The following EHD2 variants were observed in gnomAD, a reference collection of about 807,000 sequenced individuals.
The protein encoded by EHD2 is EH domain containing 2.
In EHD2, 27 loss-of-function variants were observed where a neutral mutation model predicts 41.0. That is an observed-to-expected ratio of 0.66 (90% CI 0.49 to 0.91). EHD2 has a LOEUF of 0.91. Among genes scored for constraint, EHD2 ranks in the 40% least tolerant of loss-of-function variants. The pLI is 0.00. For missense variants in EHD2, 673 were observed against 773.9 expected, an observed-to-expected ratio of 0.87 and a Z score of 1.55; for synonymous variants, 342 against 341.0, an observed-to-expected ratio of 1.00 and a Z score of -0.03.
At chr19:47,733,127 G>T (rs897010739) in intron 4 of EHD2, 7 of 151,872 alleles carry the variant, frequency 4.6e-5, no homozygotes, top group Non-Finnish European at 8.8e-5. Flanking sequence ...GTGTTTCAAA[G>T]GTTCTCAAGT....
At chr19:47,731,279 A>ATATATATATATATGTAT (rs1555793891) in intron 4 of EHD2, 6 of 60,928 alleles carry the variant, frequency 9.8e-5, no homozygotes, top group African/African-American at 2.4e-4. Flanking sequence ...AAAAAAAAAA[A>ATATATATATATATGTAT]ATATATATAT....
At chr19:47,718,699 G>A in intron 3 of EHD2, 93 bp downstream of exon 3, 1 of 1,193,184 alleles carries the variant, frequency 8.4e-7, no homozygotes, top group Non-Finnish European at 1.2e-6. Context: ...CGGACTCCTG[G>A]GTCTGAGGGA....
chr19:47,717,795 C>A (rs891380520), intron 2 of EHD2, among the ~76,000 whole-genome samples: 6 of 150,580 alleles, frequency 4.0e-5, no homozygotes, highest in African/African-American at 1.2e-4. Context: ...GTAATCCCAG[C>A]TACTCGGGAG....
intron 4 of EHD2, among the ~76,000 whole-genome samples, chr19:47,733,963 C>T (rs1966896388): frequency 2.0e-5 from 3 of 152,082 alleles, no homozygotes; most frequent in African/African-American, 7.2e-5. Context: ...AAATTTTGAA[C>T]TTCAATAAGC....
intron 3 of EHD2, among the ~76,000 whole-genome samples, chr19:47,722,806 G>A (rs1973711315): frequency 6.6e-6 from 1 of 152,128 alleles, no homozygotes; most frequent in Admixed American, 6.6e-5. Flanking sequence ...GACCTCAGGT[G>A]ATCCACCCGC....
intron 5 of EHD2, among the ~76,000 whole-genome samples, chr19:47,739,273 AATTT>A (rs1364270669): frequency 9.3e-5 from 7 of 75,498 alleles, no homozygotes; most frequent in East Asian, 3.2e-4. Flanking sequence ...GCTAATTTTT[AATTT>A]TTTTTTTTTT....
chr19:47,737,976 G>A (rs977007383), intron 5 of EHD2, among the ~76,000 whole-genome samples: 9 of 151,398 alleles, frequency 5.9e-5, no homozygotes, highest in African/African-American at 1.9e-4. Context: ...TGCCTCCTGG[G>A]TTCAAGCAGT....
At chr19:47,732,453 G>C (rs533445843) in intron 4 of EHD2, among the ~76,000 whole-genome samples, 1 of 151,228 alleles carries the variant, frequency 6.6e-6, no homozygotes, top group Non-Finnish European at 1.5e-5. Context: ...AAGGCTCGCT[G>C]TGTCGCCCAG....
chr19:47,718,577 T>C lies in EHD2; in HGVS notation c.473T>C (p.Leu158Pro). Residue 158 changes from leucine to proline, a missense_variant, in exon 3 of 6, where the codon CTG (leucine) becomes CCG (proline). Leu to Pro is a moderately conservative substitution (Grantham distance 98, BLOSUM62 -3). Transcript: ENST00000263277. ...AGCATCATCGACACCCCGGGTATCC[T>C]GTCGGGTGCCAAGCAGAGAGTGAGC... ...SISIIDTPGI[L>P]SGAKQRVSRG... 1 of 1,576,640 alleles carries C rather than the reference T, an allele frequency of 6.3e-7. No homozygotes were observed. The highest frequency in any genetic ancestry group is 8.6e-7 in the Non-Finnish European group (1 of 1,160,774).
rs778382915 is a variant in EHD2 at position 47,741,434 on chromosome 19, C to CT, written c.*2_*3insT. ...CGCCACAAGGGCTCCGCCGAGTGAG[C>CT]CGGCCCCCCTCCCATGGCCCTGCTG... On this transcript the variant is annotated 3_prime_UTR_variant, in exon 6 of 6. Transcript: ENST00000263277. The surrounding 1 kb of genome is among the most constrained non-coding windows in gnomAD (Gnocchi z 4.5). 15 of 1,488,370 alleles carry CT rather than the reference C, an allele frequency of 1.0e-5. No individual in the cohort carries two copies. The African/African-American group carries it at 1.3e-4, about 13-fold the overall frequency. The allele number at this position is 1,488,370 out of a possible 1,614,324, so 92.2% of individuals were successfully genotyped here. A position where few individuals can be genotyped will look rare whatever the true frequency, so the allele number is the denominator to read the frequency against.
chr19:47,718,273 CAAAAAAA>C (rs58873230), intron 2 of EHD2, among the ~76,000 whole-genome samples: 1 of 91,944 alleles, frequency 1.1e-5, no homozygotes, highest in Admixed American at 1.3e-4. Flanking sequence ...AACTCTGTCT[CAAAAAAA>C]AAAAAAAAAA....
Position 47,718,522 on chromosome 19 carries a change from C to T in EHD2, c.418C>T (p.Gln140Ter). ...NTFLNRFMCA[Q>*]LPNQVLESIS... ...CTCTGCCCCCAGGTTCATGTGTGCC[C>T]AGCTCCCTAATCAGGTCCTGGAGAG... The change falls in exon 3 of 6, where the codon CAG becomes TAG. Residue 140 changes from glutamine (Q) to a stop codon, truncating the protein, a stop_gained. Transcript: ENST00000263277. LOFTEE classifies it high-confidence loss of function. The T allele has an allele frequency of 6.3e-7, 1 of 1,582,516 alleles. No individual in the cohort carries two copies. The highest frequency in any genetic ancestry group is 1.3e-5 in the African/African-American group (1 of 74,484).
chr19:47,739,597 C>CAA lies in EHD2; in HGVS notation c.1081-1266_1081-1265dup, dbSNP rs869157023. Among the ~76,000 whole-genome samples, 172 of 60,680 alleles carry CAA rather than the reference C, an allele frequency of 2.8e-3. 1 individual carries two copies. Among genetic ancestry groups the CAA allele is most frequent in the South Asian group, 5.7e-3 (8 of 1,392 alleles). 39.8% of individuals were successfully genotyped at this position (60,680 alleles called of 152,430 possible). On this transcript the variant is annotated intron_variant, in intron 5 of 5. Coordinates refer to ENST00000263277, the MANE Select transcript of EHD2 (RefSeq NM_014601.4). ...GCCTGGGTGACAGAGCGAAACTCGT[C>CAA]AAAAAAAAAAAAAAAAAAAGGAAAG...
In EHD2 at chr19:47,716,874, G is replaced by T. The variant is rs759510009; in HGVS notation, c.262G>T (p.Val88Leu). Residue 88 changes from valine (V) to leucine (L), a missense_variant, in exon 2 of 6, where the codon GTG becomes TTG. By Grantham distance (32) the Val-to-Leu change is conservative (BLOSUM62 1). Transcript: ENST00000263277. ...LLEQEVPGSR[V>L]GPEPTTDCFV... is the part of the protein sequence containing the mutation. ...GGAGCAGGAGGTGCCCGGCTCCCGCGTGGGGCCTGAGCCCACCACCGACTG... is the reference window on the plus strand; with the variant it reads ...GGAGCAGGAGGTGCCCGGCTCCCGCTTGGGGCCTGAGCCCACCACCGACTG... 42 of 1,612,218 alleles carry T rather than the reference G, an allele frequency of 2.6e-5. No homozygotes were observed. In the South Asian group the frequency reaches 4.5e-4, roughly 17 times the overall value.
At chr19:47,727,748 C>T (rs1204720355) in intron 4 of EHD2, among the ~76,000 whole-genome samples, 1 of 150,358 alleles carries the variant, frequency 6.7e-6, no homozygotes, top group African/African-American at 2.4e-5. Context: ...ATTGGACCAG[C>T]CCCGGGGCTT....
In EHD2 at chr19:47,742,274, T is replaced by C. The variant is rs961918466; in HGVS notation, c.*842T>C. 3 of 228,004 alleles carry C rather than the reference T, an allele frequency of 1.3e-5. No individual in the cohort carries two copies. Among genetic ancestry groups the C allele is most frequent in the Non-Finnish European group, 1.8e-5 (2 of 113,202 alleles). 14.1% of individuals were successfully genotyped at this position (228,004 alleles called of 1,614,324 possible). On this transcript the variant is annotated 3_prime_UTR_variant, in exon 6 of 6. Coordinates refer to ENST00000263277, the MANE Select transcript of EHD2 (RefSeq NM_014601.4). ...TCCACACCCCTTCCCTTTCCTGTCC[T>C]GTCCTTTCTTTCTTTTTTGATAGAA...
At chr19:47,725,744 G>C (rs995685557) in intron 3 of EHD2, 68 bp from the exon 4 acceptor site, 1 of 1,518,896 alleles carries the variant, frequency 6.6e-7, no homozygotes, top group Non-Finnish European at 8.9e-7. Flanking sequence ...GGATACTACT[G>C]AGAATGGCTG....
At chr19:47,722,367 C>G (rs910807860) in intron 3 of EHD2, among the ~76,000 whole-genome samples, 1 of 152,118 alleles carries the variant, frequency 6.6e-6, no homozygotes, top group Non-Finnish European at 1.5e-5. Flanking sequence ...AGTTGCTGTC[C>G]CTCCAGTGAC....
At position 47,725,921 on chromosome 19, in the gene EHD2, C is replaced by T. The variant is rs202143335; in HGVS notation, c.612C>T (p.Ile204=). Residue 204 remains isoleucine, a synonymous_variant, in exon 4 of 6, where the codon ATC becomes ATT. Transcript: ENST00000263277. ...TCTCGGACGAGTTCTCAGAGGCCAT[C>T]GGCGCGTTGCGGGGCCATGAGGACA... is the stretch of plus-strand genomic sequence containing the variant. ...LEISDEFSEA[I]GALRGHEDKI... The T allele has an allele frequency of 2.0e-5, 32 of 1,613,916 alleles. No individual in the cohort carries two copies. The East Asian group carries it at 5.3e-4, about 27-fold the overall frequency.
Sources: allele counts gnomAD v4.1 joint callset (sites outside exome capture counted in the v4.1 genomes callset), GRCh38; gene constraint gnomAD v4.1.1; non-coding constraint Gnocchi (gnomAD v3.1); transcripts MANE v1.5; gene names NCBI Gene and HGNC (gene_info 2026-07-23, HGNC 2026-07-21).